Variants in FAM83D observed in about 807,000 individuals in gnomAD.
The protein encoded by FAM83D is scaffolding CK1 anchoring protein D.
FAM83D carries 26 observed loss-of-function variants against 25.4 expected under a neutral mutation model. That is an observed-to-expected ratio of 1.02 (90% CI 0.75 to 1.42). FAM83D has a LOEUF of 1.42. Ranked by LOEUF, FAM83D falls within the 40% of genes most tolerant of loss-of-function variation. The pLI is 0.00. For missense variants in FAM83D, 740 were observed against 758.1 expected, an observed-to-expected ratio of 0.98 and a Z score of 0.28; for synonymous variants, 310 against 318.5, an observed-to-expected ratio of 0.97 and a Z score of 0.28.
intron 1 of FAM83D, 46 bp from the exon 2 acceptor site, chr20:38,941,913 G>T: frequency 6.3e-7 from 1 of 1,597,196 alleles, no homozygotes; most frequent in Non-Finnish European, 8.6e-7. Context: ...GCTGTAAGGT[G>T]GTGTCCTATA....
chr20:38,932,337 G>A (rs1277174648), intron 1 of FAM83D, among the ~76,000 whole-genome samples: 1 of 152,208 alleles, frequency 6.6e-6, no homozygotes, highest in African/African-American at 2.4e-5. Flanking sequence ...AGTAAGCTAT[G>A]ATCATGCCAG....
At chr20:38,935,231 C>A (rs2085673893) in intron 1 of FAM83D, among the ~76,000 whole-genome samples, 1 of 152,076 alleles carries the variant, frequency 6.6e-6, no homozygotes, top group African/African-American at 2.4e-5. Flanking sequence ...AAAAACAATT[C>A]AAAATGATAA....
At chr20:38,951,423 C>A in intron 3 of FAM83D, 116 bp from the exon 4 acceptor site, 1 of 1,180,330 alleles carries the variant, frequency 8.5e-7, no homozygotes, top group Non-Finnish European at 1.2e-6. Context: ...ATGATATCAC[C>A]AAATTTGTGA....
At chr20:38,937,464 C>T (rs2085683596) in intron 1 of FAM83D, among the ~76,000 whole-genome samples, 1 of 152,198 alleles carries the variant, frequency 6.6e-6, no homozygotes, top group Non-Finnish European at 1.5e-5. Flanking sequence ...GAAAGCAGGA[C>T]TCGGCCGGTT....
intron 1 of FAM83D, among the ~76,000 whole-genome samples, chr20:38,927,397 A>G (rs1473203033): frequency 6.6e-6 from 1 of 152,186 alleles, no homozygotes; most frequent in African/African-American, 2.4e-5. Context: ...GGCATTAGGA[A>G]GCAATTATTA....
chr20:38,945,383 C>G (rs761374639), intron 2 of FAM83D, among the ~76,000 whole-genome samples: 14 of 152,114 alleles, frequency 9.2e-5, no homozygotes, highest in Non-Finnish European at 1.6e-4. Context: ...ATGACATTCC[C>G]TAGTCGTTTT....
chr20:38,926,431 C>T lies in FAM83D; in HGVS notation c.-12C>T. Reference sequence around the variant, plus strand: ...GGTTTTTGTCCGAGGGCTGTCGAGTCCGAGCGCCGCCATGGCTCTGCTGTC... The same window carrying T: ...GGTTTTTGTCCGAGGGCTGTCGAGTTCGAGCGCCGCCATGGCTCTGCTGTC... On this transcript the variant is annotated 5_prime_UTR_variant, in exon 1 of 4. Coordinates refer to ENST00000619850, the MANE Select transcript of FAM83D (RefSeq NM_030919.3). 6.3e-7 allele frequency: 1 copy of T among 1,597,780 alleles called. No homozygotes were observed. Among genetic ancestry groups the T allele is most frequent in the Non-Finnish European group, 8.5e-7 (1 of 1,178,628 alleles).
intron 1 of FAM83D, 83 bp downstream of exon 1, chr20:38,927,008 G>C: frequency 7.1e-7 from 1 of 1,398,782 alleles, no homozygotes; most frequent in South Asian, 1.6e-5. Context: ...AGTACGGGCC[G>C]GGGCCACTAC....
intron 1 of FAM83D, among the ~76,000 whole-genome samples, chr20:38,928,792 T>C (rs1230538351): frequency 1.3e-5 from 2 of 152,210 alleles, no homozygotes; most frequent in African/African-American, 4.8e-5. Context: ...TAGAACCTGC[T>C]GCCCTAGTCT....
At chr20:38,935,614 A>G (rs1330669183) in intron 1 of FAM83D, among the ~76,000 whole-genome samples, 1 of 152,146 alleles carries the variant, frequency 6.6e-6, no homozygotes, top group East Asian at 1.9e-4. Context: ...CAGATAATTA[A>G]AAAAATTTTT....
chr20:38,940,488 GAGA>G (rs1190993834), intron 1 of FAM83D, among the ~76,000 whole-genome samples: 1 of 152,190 alleles, frequency 6.6e-6, no homozygotes, highest in Non-Finnish European at 1.5e-5. Flanking sequence ...TTTGCTGCAG[GAGA>G]AGGAGTGAAA....
chr20:38,935,282 C>T (rs1286336127), intron 1 of FAM83D, among the ~76,000 whole-genome samples: 1 of 152,174 alleles, frequency 6.6e-6, no homozygotes, highest in Admixed American at 6.5e-5. Context: ...GTGCTTTTCC[C>T]TCCCCTTTGA....
chr20:38,931,374 T>G (rs1049406591), intron 1 of FAM83D, among the ~76,000 whole-genome samples: 1 of 152,060 alleles, frequency 6.6e-6, no homozygotes, highest in Admixed American at 6.6e-5. Context: ...TGAGTTTAGG[T>G]TTTGTAAACT....
At chr20:38,941,398 G>T (rs1181873616) in intron 1 of FAM83D, among the ~76,000 whole-genome samples, 1 of 152,184 alleles carries the variant, frequency 6.6e-6, no homozygotes, top group African/African-American at 2.4e-5. Flanking sequence ...TGGTGAATGG[G>T]ACAGGCCTTA....
intron 1 of FAM83D, among the ~76,000 whole-genome samples, chr20:38,927,136 G>A (rs946571449): frequency 2.0e-5 from 3 of 152,230 alleles, no homozygotes; most frequent in Non-Finnish European, 4.4e-5. Flanking sequence ...GCAGGGGATA[G>A]TGGGAAAGCC....
At position 38,949,919 on chromosome 20, in the gene FAM83D, C is replaced by T. The variant is rs185788257; in HGVS notation, c.777-1620C>T. On this transcript the variant is annotated intron_variant, in intron 3 of 3. Transcript: ENST00000619850. ...TGCCAAGTTCCGCCTCCTGCGTTTA[C>T]GTCATTCTCCTGCCTCAGCCTCCCG... Among the ~76,000 whole-genome samples the T allele has an allele frequency of 8.5e-5, 13 of 152,266 alleles. No homozygotes were observed. In the East Asian group the frequency reaches 2.1e-3, roughly 25 times the overall value.
At chr20:38,943,575 T>C (rs879912783) in intron 2 of FAM83D, among the ~76,000 whole-genome samples, 1 of 152,264 alleles carries the variant, frequency 6.6e-6, no homozygotes, top group Non-Finnish European at 1.5e-5. Context: ...ATTTCTCTGA[T>C]TCTGAAAATG....
At chr20:38,944,863 C>T (rs897440780) in intron 2 of FAM83D, among the ~76,000 whole-genome samples, 6 of 151,098 alleles carry the variant, frequency 4.0e-5, no homozygotes, top group African/African-American at 9.8e-5. Flanking sequence ...CGCTTGAACC[C>T]GGGAGGCAGA....
rs1453203547 is a variant in FAM83D at position 38,952,039 on chromosome 20, C to T, written c.1277C>T (p.Thr426Ile). ...GCTGGTACCCAGACTGCAGTCATCACCAGGATAGCAAGCTCTCAAACCACG... is the reference window on the plus strand; with the variant it reads ...GCTGGTACCCAGACTGCAGTCATCATCAGGATAGCAAGCTCTCAAACCACG... The part of the protein sequence containing the change: ...ACAGTQTAVI[T>I]RIASSQTTIW... The change falls in exon 4 of 4, where the codon ACC (threonine) becomes ATC (isoleucine). Residue 426 changes from threonine (T) to isoleucine (I), a missense_variant. This residue lies in a region of FAM83D where 375 missense variants were observed against 403.2 expected (regional missense o/e 0.93). Transcript: ENST00000619850. 3.7e-6 allele frequency: 6 copies of T among 1,614,124 alleles called. No individual in the cohort carries two copies. Among genetic ancestry groups the T allele is most frequent in the African/African-American group, 1.3e-5 (1 of 74,952 alleles).
Sources: gnomAD v4.1 joint callset for allele counts (sites outside exome capture counted in the v4.1 genomes callset) on GRCh38, gnomAD v4.1.1 for gene constraint, gnomAD v4.1.1 regional missense constraint, MANE v1.5 for transcripts, NCBI Gene and HGNC (gene_info 2026-07-23, HGNC 2026-07-21) for gene names.